NDUFB3: variants seen among roughly 807,000 people sequenced by gnomAD.
NDUFB3 encodes NADH dehydrogenase [ubiquinone] 1 beta subcomplex subunit 3.
Under a neutral mutation model 9.0 loss-of-function variants are expected in NDUFB3, and 7 were observed. The observed-to-expected ratio is 0.78, with a 90% confidence interval of 0.44 to 1.46. The LOEUF (loss-of-function observed/expected upper bound fraction) is 1.46, where lower values mean the gene tolerates loss of function less well. NDUFB3 is among the 40% of genes most tolerant of loss of function. NDUFB3 has a pLI of 0.01. For missense variants in NDUFB3, 93 were observed against 115.4 expected (o/e 0.81, Z 0.89); for synonymous variants, 29 against 38.5 (o/e 0.75, Z 0.91).
chr2:201,077,918 G>C (rs1463243831), intron 1 of NDUFB3, among the ~76,000 whole-genome samples: 1 of 152,066 alleles, frequency 6.6e-6, no homozygotes, highest in Non-Finnish European at 1.5e-5. Flanking sequence ...ATCATCTAAA[G>C]AAAATTTTTA....
At chr2:201,073,066 T>A (rs2047108914) in intron 1 of NDUFB3, among the ~76,000 whole-genome samples, 1 of 152,212 alleles carries the variant, frequency 6.6e-6, no homozygotes, top group Non-Finnish European at 1.5e-5. Context: ...AAAGGTTCCT[T>A]ACAGGGACAA....
rs747811137 is a variant in NDUFB3, at chr2:201,085,457, A to G, written c.141-2A>G. ...TATAATTTTTTCTTTTTTTTTTTCT[A>G]GCAATGAAGCTTGGAGATACATGGG... is the stretch of plus-strand genomic sequence containing the variant. On this transcript the variant is annotated splice_acceptor_variant, in intron 2 of 2. Coordinates refer to ENST00000237889, the MANE Select transcript of NDUFB3 (RefSeq NM_002491.3). LOFTEE classifies it high-confidence loss of function. 1.3e-6 allele frequency: 2 copies of G among 1,571,594 alleles called. No individual in the cohort carries two copies. The highest frequency in any genetic ancestry group is 2.4e-5 in the South Asian group (2 of 83,138).
rs1190526836 is a variant in NDUFB3, at chr2:201,085,395, A to G, written c.141-64A>G. On this transcript the variant is annotated intron_variant, in intron 2 of 2. Coordinates refer to ENST00000237889, the MANE Select transcript of NDUFB3 (RefSeq NM_002491.3). ...AGTCAATTAGAAAGATGAAAATTAA[A>G]TGTCTTCAACGTATATACACACACG... is the stretch of plus-strand genomic sequence containing the variant. 3.2e-6 allele frequency: 4 copies of G among 1,256,852 alleles called. No homozygotes were observed. In the Admixed American group the frequency reaches 9.8e-5, roughly 31 times the overall value. 77.9% of individuals were successfully genotyped at this position (1,256,852 alleles called of 1,614,324 possible).
chr2:201,077,048 C>T (rs1305349948), intron 1 of NDUFB3, among the ~76,000 whole-genome samples: 2 of 151,800 alleles, frequency 1.3e-5, no homozygotes, highest in East Asian at 1.9e-4. Context: ...TGCAGTGAGC[C>T]GAGATTGCAC....
chr2:201,078,747 T>C (rs2047192608), intron 1 of NDUFB3, 134 bp from the exon 2 acceptor site: 1 of 846,802 alleles, frequency 1.2e-6, no homozygotes. Flanking sequence ...ATCCTTTAAC[T>C]GGAATTTTCA....
intron 1 of NDUFB3, among the ~76,000 whole-genome samples, chr2:201,072,591 G>C (rs1183318008): frequency 1.3e-5 from 2 of 152,112 alleles, no homozygotes; most frequent in Non-Finnish European, 2.9e-5. Flanking sequence ...ATTCACTTCA[G>C]ACATAGATAG....
chr2:201,078,197 C>A (rs997399918), intron 1 of NDUFB3, among the ~76,000 whole-genome samples: 1 of 151,986 alleles, frequency 6.6e-6, no homozygotes, highest in African/African-American at 2.4e-5. Flanking sequence ...AGCTACTCGC[C>A]AGGCTGAGGC....
In NDUFB3 at chr2:201,085,638, A is replaced by G; in HGVS notation, c.*23A>G. On this transcript the variant is annotated 3_prime_UTR_variant, in exon 3 of 3. Coordinates refer to ENST00000237889, the MANE Select transcript of NDUFB3 (RefSeq NM_002491.3). ...TGAAGATAATACCTGGAAGCATCAT[A>G]GTGGTTTCTTAACTCTCCAAAATAA... is the stretch of plus-strand genomic sequence containing the variant. The G allele has an allele frequency of 6.3e-7, 1 of 1,599,568 alleles. No individual in the cohort carries two copies. The highest frequency in any genetic ancestry group is 8.5e-7 in the Non-Finnish European group (1 of 1,173,112).
chr2:201,074,757 T>C (rs774120422), intron 1 of NDUFB3, among the ~76,000 whole-genome samples: 2 of 152,052 alleles, frequency 1.3e-5, no homozygotes, highest in Non-Finnish European at 2.9e-5. Flanking sequence ...CGCCCAGCCA[T>C]GTTCAGCCTT....
chr2:201,085,437 T>A, intron 2 of NDUFB3, 22 bp from the exon 3 acceptor site: 4 of 1,573,908 alleles, frequency 2.5e-6, no homozygotes, highest in Non-Finnish European at 3.4e-6. Flanking sequence ...ATGATTATAA[T>A]TTTTTCTTTT....
At chr2:201,074,193 T>G (rs1338952231) in intron 1 of NDUFB3, among the ~76,000 whole-genome samples, 1 of 152,192 alleles carries the variant, frequency 6.6e-6, no homozygotes, top group Non-Finnish European at 1.5e-5. Flanking sequence ...CCTCAGGTGT[T>G]CCACCTGCCT....
At chr2:201,082,769 A>C (rs984514699) in intron 2 of NDUFB3, among the ~76,000 whole-genome samples, 1 of 132,270 alleles carries the variant, frequency 7.6e-6, no homozygotes, top group African/African-American at 2.9e-5. Flanking sequence ...TGCGGACTGC[A>C]GTGGCGCAAT....
chr2:201,084,436 G>C (rs1360117007), intron 2 of NDUFB3, among the ~76,000 whole-genome samples: 1 of 151,892 alleles, frequency 6.6e-6, no homozygotes, highest in Non-Finnish European at 1.5e-5. Flanking sequence ...CTCCAGCCTG[G>C]GCAACAGATT....
chr2:201,076,484 AATATATATATAT>A (rs561737388), intron 1 of NDUFB3, among the ~76,000 whole-genome samples: 7 of 120,116 alleles, frequency 5.8e-5, no homozygotes, highest in East Asian at 4.4e-4. Flanking sequence ...TCTATCTTTA[AATATATATATAT>A]ATATATATAT....
chr2:201,085,138 T>A (rs2047275835), intron 2 of NDUFB3, among the ~76,000 whole-genome samples: 1 of 152,208 alleles, frequency 6.6e-6, no homozygotes, highest in Admixed American at 6.6e-5. Flanking sequence ...TCCGTGATGT[T>A]GTAATGACTA....
At chr2:201,085,231 A>G (rs548238152) in intron 2 of NDUFB3, among the ~76,000 whole-genome samples, 1 of 152,348 alleles carries the variant, frequency 6.6e-6, no homozygotes, top group South Asian at 2.1e-4. Flanking sequence ...CCTGAGGCAT[A>G]TGACTATTAA....
chr2:201,082,682 T>A (rs1055537107), intron 2 of NDUFB3, among the ~76,000 whole-genome samples: 4 of 151,882 alleles, frequency 2.6e-5, no homozygotes, highest in Non-Finnish European at 5.9e-5. Flanking sequence ...TTATATCTTG[T>A]TACCTTGCTA....
In NDUFB3 at chr2:201,075,296, T is replaced by G. The variant is rs1252837608; in HGVS notation, c.-3+3237T>G. ...ATATGTTATATTTAGCCGGGCACCG[T>G]GGCTCATGCCTGTAATCCCAGCACT... On this transcript the variant is annotated intron_variant, in intron 1 of 2. Transcript: ENST00000237889. 2.0e-5 allele frequency among the ~76,000 whole-genome samples: 3 copies of G among 152,144 alleles called. No individual in the cohort carries two copies. The East Asian group carries it at 5.8e-4, about 29-fold the overall frequency.
chr2:201,078,130 G>A (rs766547475), intron 1 of NDUFB3, among the ~76,000 whole-genome samples: 20 of 152,034 alleles, frequency 1.3e-4, no homozygotes, highest in Admixed American at 3.3e-4. Context: ...GTGAAACCCC[G>A]TCTCCACTAA....
Sources: gnomAD v4.1 joint callset for allele counts (sites outside exome capture counted in the v4.1 genomes callset) on GRCh38, gnomAD v4.1.1 for gene constraint, MANE v1.5 for transcripts, NCBI Gene and HGNC (gene_info 2026-07-23, HGNC 2026-07-21) for gene names.